The following RIMS1 variants were observed in gnomAD, a reference collection of about 807,000 sequenced individuals.
RIMS1 encodes the protein regulating synaptic membrane exocytosis protein 1.
In RIMS1, 83 loss-of-function variants were observed where a neutral mutation model predicts 214.1. That is an observed-to-expected ratio of 0.39 (90% CI 0.32 to 0.47). The LOEUF (loss-of-function observed/expected upper bound fraction) is 0.47, where lower values mean the gene tolerates loss of function less well. RIMS1 is among the 20% of genes least tolerant of loss of function. The pLI is 0.99. For missense variants in RIMS1, 2,050 were observed against 2,161.8 expected, an observed-to-expected ratio of 0.95 and a Z score of 1.03; for synonymous variants, 793 against 786.8, an observed-to-expected ratio of 1.01 and a Z score of -0.13.
At chr6:72,127,355 T>G (rs1410773465) in intron 4 of RIMS1, among the ~76,000 whole-genome samples, 1 of 152,188 alleles carries the variant, frequency 6.6e-6, no homozygotes, top group Non-Finnish European at 1.5e-5. Flanking sequence ...TATATTCCGC[T>G]GAAATGTATT....
intron 2 of RIMS1, among the ~76,000 whole-genome samples, chr6:72,013,195 A>G (rs770984583): frequency 4.6e-5 from 7 of 152,358 alleles, no homozygotes; most frequent in Middle Eastern, 3.4e-3. Flanking sequence ...GAATGCCCAG[A>G]AAATAACCCC....
At chr6:72,244,080 A>G (rs905105892) in intron 10 of RIMS1, among the ~76,000 whole-genome samples, 3 of 151,706 alleles carry the variant, frequency 2.0e-5, no homozygotes, top group Non-Finnish European at 4.4e-5. Context: ...AAGGAAAAAG[A>G]AAATATTTAT....
intron 1 of RIMS1, among the ~76,000 whole-genome samples, chr6:71,949,305 G>A (rs568454872): frequency 6.6e-6 from 1 of 152,048 alleles, no homozygotes; most frequent in South Asian, 2.1e-4. Flanking sequence ...AACAAGAAAG[G>A]TCCTCTAAAT....
intron 6 of RIMS1, among the ~76,000 whole-genome samples, chr6:72,187,664 AT>A (rs2049355480): frequency 6.6e-6 from 1 of 151,598 alleles, no homozygotes; most frequent in South Asian, 2.1e-4. Context: ...CAGCTAATTT[AT>A]GTATTTTTAG....
intron 1 of RIMS1, among the ~76,000 whole-genome samples, chr6:71,951,859 C>CA (rs1789686009): frequency 6.6e-6 from 1 of 152,022 alleles, no homozygotes; most frequent in African/African-American, 2.4e-5. Context: ...GCCTCGAACT[C>CA]AAGTCTTTTG....
intron 1 of RIMS1, among the ~76,000 whole-genome samples, chr6:71,950,968 T>C (rs2151124800): frequency 1.3e-5 from 2 of 152,334 alleles, no homozygotes; most frequent in Middle Eastern, 3.4e-3. Flanking sequence ...TAAGATGTTA[T>C]AACATTTTAG....
Position 72,012,432 on chromosome 6 carries a change from A to G in RIMS1, c.245+43369A>G, listed in dbSNP as rs559666183. 1.3e-3 allele frequency among the ~76,000 whole-genome samples: 203 copies of G among 151,758 alleles called. 2 individuals carry two copies. Among genetic ancestry groups the G allele is most frequent in the African/African-American group, 4.8e-3 (200 of 41,548 alleles). Reference sequence around the variant, plus strand: ...TAACATGGCACATGTATACATATGTAACAAACCTGCATGTTGTGCACATGT... The same window carrying G: ...TAACATGGCACATGTATACATATGTGACAAACCTGCATGTTGTGCACATGT... On this transcript the variant is annotated intron_variant, in intron 2 of 33. Transcript: ENST00000521978.
At chr6:72,065,942 G>T (rs1268502335) in intron 2 of RIMS1, among the ~76,000 whole-genome samples, 7 of 151,138 alleles carry the variant, frequency 4.6e-5, no homozygotes, top group Non-Finnish European at 1.0e-4. Flanking sequence ...AAAAAAAAAG[G>T]AATTTTGGAT....
chr6:72,064,562 T>G (rs1226696513), intron 2 of RIMS1, among the ~76,000 whole-genome samples: 5 of 152,114 alleles, frequency 3.3e-5, no homozygotes, highest in Admixed American at 2.6e-4. Context: ...CAGGAAGCTG[T>G]GAATGCAATG....
intron 29 of RIMS1, among the ~76,000 whole-genome samples, chr6:72,352,983 CT>C (rs70994123): frequency 0.017 from 1,458 of 88,286 alleles, 4 homozygotes; most frequent in African/African-American, 0.057. Flanking sequence ...ATTCTTTTTT[CT>C]TTTTTTTTTT....
At chr6:72,013,137 AT>A in intron 2 of RIMS1, among the ~76,000 whole-genome samples, 1 of 152,316 alleles carries the variant, frequency 6.6e-6, no homozygotes, top group Non-Finnish European at 1.5e-5. Flanking sequence ...CTATTCACAT[AT>A]TTGTGTGCCA....
At chr6:72,060,537 T>C (rs921780516) in intron 2 of RIMS1, among the ~76,000 whole-genome samples, 1 of 152,236 alleles carries the variant, frequency 6.6e-6, no homozygotes, top group African/African-American at 2.4e-5. Context: ...ACTATTGTTC[T>C]GATTAAGTAG....
chr6:72,002,607 G>C (rs553401634), intron 2 of RIMS1, among the ~76,000 whole-genome samples: 1 of 152,278 alleles, frequency 6.6e-6, no homozygotes, highest in Non-Finnish European at 1.5e-5. Flanking sequence ...CAGTGACAAA[G>C]TTGGATTTCA....
intron 4 of RIMS1, among the ~76,000 whole-genome samples, chr6:72,176,554 A>G (rs2047736663): frequency 6.6e-6 from 1 of 152,138 alleles, no homozygotes; most frequent in South Asian, 2.1e-4. Flanking sequence ...CTGGGAGGTG[A>G]TATTTTGATA....
At chr6:72,381,747 C>CA in intron 29 of RIMS1, among the ~76,000 whole-genome samples, 1 of 152,206 alleles carries the variant, frequency 6.6e-6, no homozygotes, top group South Asian at 2.1e-4. Flanking sequence ...ATCTGACAGG[C>CA]AAGGCTTTAT....
chr6:72,213,260 C>T (rs2054199264), intron 6 of RIMS1: 1 of 1,495,090 alleles, frequency 6.7e-7, no homozygotes, highest in Non-Finnish European at 9.0e-7. Flanking sequence ...TTCATTTTGT[C>T]CCAGTTGTAC....
Position 72,288,338 on chromosome 6 carries a change from A to G in RIMS1, c.3555-2341A>G, listed in dbSNP as rs185537664. On this transcript the variant is annotated intron_variant, in intron 24 of 33. Transcript: ENST00000521978. ...TACTTGTATGTATAAACCTATAGAT[A>G]CATATATGCATGAATACATGCATGC... is the stretch of plus-strand genomic sequence containing the variant. Among the ~76,000 whole-genome samples, 179 of 152,364 alleles carry G rather than the reference A, an allele frequency of 1.2e-3. 1 individual carries two copies. Among genetic ancestry groups the G allele is most frequent in the Non-Finnish European group, 8.5e-4 (58 of 68,038 alleles).
rs144146366 is a variant in RIMS1 at position 71,940,861 on chromosome 6, GAC to G, written c.165-28120_165-28119del. On this transcript the variant is annotated intron_variant, in intron 1 of 33. Coordinates refer to ENST00000521978, the MANE Select transcript of RIMS1 (RefSeq NM_014989.7). The stretch of plus-strand genomic sequence containing the variant: ...GATGGCTCCCAGGTCCTTGAAAAAA[GAC>G]ATGTTAGGGTTGTGAAACTGGCAAG... Among the ~76,000 whole-genome samples, 672 of 152,202 alleles carry G rather than the reference GAC, an allele frequency of 4.4e-3. 5 individuals carry two copies. The highest frequency in any genetic ancestry group is 0.016 in the African/African-American group (647 of 41,546).
At chr6:71,976,477 C>G (rs1304833294) in intron 2 of RIMS1, among the ~76,000 whole-genome samples, 2 of 152,092 alleles carry the variant, frequency 1.3e-5, no homozygotes, top group African/African-American at 4.8e-5. Context: ...AAGTGTTCTT[C>G]ACATGTAATG....
Sources: gnomAD v4.1 joint callset for allele counts (sites outside exome capture counted in the v4.1 genomes callset) on GRCh38, gnomAD v4.1.1 for gene constraint, MANE v1.5 for transcripts, NCBI Gene and HGNC (gene_info 2026-07-23, HGNC 2026-07-21) for gene names.